PDZD4: variants seen among roughly 807,000 people sequenced by gnomAD.
PDZD4 encodes the protein PDZ domain-containing protein 4.
In PDZD4, 9 loss-of-function variants were observed where a neutral mutation model predicts 38.5. The ratio of observed to expected loss-of-function variants is 0.23; its 90% CI spans 0.14 to 0.41. The LOEUF (loss-of-function observed/expected upper bound fraction) is 0.41, where lower values mean the gene tolerates loss of function less well. Among genes scored for constraint, PDZD4 ranks in the 10% least tolerant of loss-of-function variants. The probability of loss-of-function intolerance (pLI) is 1.00; values close to 1 mark genes in which losing one functional copy is unlikely to be tolerated. For missense variants in PDZD4, 612 were observed against 722.0 expected (o/e 0.85, Z 1.75); for synonymous variants, 349 against 315.7 (o/e 1.11, Z -1.12).
chrX:153,815,418 T>C (rs1193090818), intron 1 of PDZD4, among the ~76,000 whole-genome samples: 1 of 112,202 alleles, frequency 8.9e-6, no homozygotes. Context: ...TCACCCTTTC[T>C]AGACACACTT....
intron 1 of PDZD4, among the ~76,000 whole-genome samples, chrX:153,823,264 G>C (rs1366081764): frequency 9.4e-6 from 1 of 106,877 alleles, no homozygotes; most frequent in Non-Finnish European, 1.9e-5. Context: ...TCGAGCCCAA[G>C]CTGGAGTGCA....
At chrX:153,824,235 G>C (rs1557081988) in intron 1 of PDZD4, among the ~76,000 whole-genome samples, 1 of 111,131 alleles carries the variant, frequency 9.0e-6, no homozygotes, top group Non-Finnish European at 1.9e-5. Flanking sequence ...GAGATGAGAG[G>C]GGAAAGGGCA....
chrX:153,805,401 C>CCCAAAAAAA, intron 6 of PDZD4, 104 bp downstream of exon 6: 1 of 351,206 alleles, frequency 2.8e-6, no homozygotes, highest in Non-Finnish European at 5.2e-6. Context: ...CGCCCTCCAT[C>CCCAAAAAAA]AACTCCAGGT....
chrX:153,825,521 C>A (rs2064471993), intron 1 of PDZD4, among the ~76,000 whole-genome samples: 1 of 112,466 alleles, frequency 8.9e-6, no homozygotes, highest in Non-Finnish European at 1.9e-5. Context: ...CCTAACTCAA[C>A]ACGCAGTAAT....
chrX:153,820,208 G>A (rs1327535440), intron 1 of PDZD4, among the ~76,000 whole-genome samples: 8 of 109,561 alleles, frequency 7.3e-5, no homozygotes, highest in Non-Finnish European at 5.7e-5. Context: ...TTAGCCGGGC[G>A]TGGTGGCTTG....
At chrX:153,812,947 G>C (rs1473174030) in intron 1 of PDZD4, among the ~76,000 whole-genome samples, 1 of 109,242 alleles carries the variant, frequency 9.2e-6, no homozygotes, top group East Asian at 2.9e-4. Context: ...CCAACCCCAG[G>C]CTTGCTTCCC....
chrX:153,825,662 C>G (rs1044640744), intron 1 of PDZD4, among the ~76,000 whole-genome samples: 8 of 112,378 alleles, frequency 7.1e-5, no homozygotes, highest in African/African-American at 2.6e-4. Flanking sequence ...AATAAAGGAA[C>G]CATGTGGTCA....
chrX:153,805,019 G>A, intron 7 of PDZD4, 78 bp downstream of exon 7: 2 of 1,119,698 alleles, frequency 1.8e-6, no homozygotes, highest in South Asian at 3.8e-5. Context: ...AGCATTGGGA[G>A]ACCCTGCACA....
chrX:153,829,896 C>T, intron 1 of PDZD4: 1 of 812,501 alleles, frequency 1.2e-6, no homozygotes, highest in Non-Finnish European at 1.5e-6. Flanking sequence ...GCCCCCCGCA[C>T]GGCGGGAGCC....
intron 1 of PDZD4, 151 bp from the exon 2 acceptor site, chrX:153,808,746 C>A: frequency 1.5e-6 from 1 of 662,345 alleles, no homozygotes; most frequent in Non-Finnish European, 2.1e-6. Flanking sequence ...GCCCTGGCTA[C>A]CTTTGGTGCC....
chrX:153,807,066 G>A (rs782716065), intron 3 of PDZD4, among the ~76,000 whole-genome samples: 2 of 112,632 alleles, frequency 1.8e-5, no homozygotes, highest in South Asian at 3.6e-4. Context: ...GGAAATGCAC[G>A]AGGCACACAC....
Position 153,803,744 on chromosome X carries a change from G to C in PDZD4, c.1937C>G (p.Pro646Arg). The change falls in exon 8 of 8, where the codon CCC becomes CGC. Residue 646 changes from proline to arginine, a missense_variant. Transcript: ENST00000393758. ...SDGTRYVAKR[P>R]VRDRLLKARA... ...GGCTTTCAGCAGCCGATCTCGCACG[G>C]GCCGCTTGGCCACGTAGCGGGTTCC... 8.3e-7 allele frequency: 1 copy of C among 1,209,183 alleles called. No homozygotes were observed.
At chrX:153,825,029 A>G (rs1381516596) in intron 1 of PDZD4, among the ~76,000 whole-genome samples, 2 of 112,312 alleles carry the variant, frequency 1.8e-5, no homozygotes, top group Non-Finnish European at 3.8e-5. Flanking sequence ...ACAAAAGGGG[A>G]GTCTGGGGGA....
chrX:153,802,807 C>T lies in PDZD4; in HGVS notation c.*546G>A, dbSNP rs2092181047. ...GGCTGCCTGAAGGAGCTGCCAGCCC[C>T]CAGGGCAGGTCCACAAAACAAAACA... is the stretch of plus-strand genomic sequence containing the variant. On this transcript the variant is annotated 3_prime_UTR_variant, in exon 8 of 8. Transcript: ENST00000393758. 1 of 112,407 alleles carries T rather than the reference C, an allele frequency of 8.9e-6. No individual in the cohort carries two copies. The highest frequency in any genetic ancestry group is 1.9e-5 in the Non-Finnish European group (1 of 53,191). The allele number at this position is 112,407 out of a possible 1,213,427, so 9.3% of individuals were successfully genotyped here.
At chrX:153,805,734 T>C (rs1215985662) in intron 5 of PDZD4, 128 bp from the exon 6 acceptor site, 3 of 531,164 alleles carry the variant, frequency 5.6e-6, no homozygotes, top group Non-Finnish European at 9.7e-6. Flanking sequence ...TCTGGGAGGA[T>C]GTAACTAAGT....
chrX:153,807,881 A>C, intron 2 of PDZD4: 1 of 979,481 alleles, frequency 1.0e-6, no homozygotes, highest in Non-Finnish European at 1.3e-6. Context: ...GATTAGCAGA[A>C]TGAGGCAGCG....
At chrX:153,820,495 G>A (rs2064412111) in intron 1 of PDZD4, among the ~76,000 whole-genome samples, 1 of 110,557 alleles carries the variant, frequency 9.0e-6, no homozygotes, top group Non-Finnish European at 1.9e-5. Context: ...ACTCCAGCCT[G>A]GGTGACACAG....
Position 153,830,397 on chromosome X carries a change from A to C in PDZD4, c.-99T>G. On this transcript the variant is annotated 5_prime_UTR_variant, in exon 1 of 8. It removes an upstream start codon present in the reference 5' UTR. Coordinates refer to ENST00000393758, the MANE Select transcript of PDZD4 (RefSeq NM_001303512.2). ...GGGTCCCGGGCCGGGGCCAGGGGCC[A>C]TACCCTGGCGCGGGGGGCGGGCCGC... 2.7e-6 allele frequency: 2 copies of C among 744,104 alleles called. No homozygotes were observed. The highest frequency in any genetic ancestry group is 3.9e-6 in the Non-Finnish European group (2 of 510,527). 61.3% of individuals were successfully genotyped at this position (744,104 alleles called of 1,213,427 possible). A position where few individuals can be genotyped will look rare whatever the true frequency, so the allele number is the denominator to read the frequency against.
chrX:153,816,939 C>A (rs1557080103), intron 1 of PDZD4, among the ~76,000 whole-genome samples: 1 of 110,863 alleles, frequency 9.0e-6, no homozygotes, highest in East Asian at 2.8e-4. Context: ...TGCTGTTGGG[C>A]TGGGGGCAAG....
Sources: allele counts gnomAD v4.1 joint callset (sites outside exome capture counted in the v4.1 genomes callset), GRCh38; gene constraint gnomAD v4.1.1; transcripts MANE v1.5; gene names NCBI Gene and HGNC (gene_info 2026-07-23, HGNC 2026-07-21).